The following ADCY9 variants were observed in gnomAD, a reference collection of about 807,000 sequenced individuals.
ADCY9 encodes adenylate cyclase type 9.
ADCY9 carries 50 observed loss-of-function variants against 101.5 expected under a neutral mutation model. That is an observed-to-expected ratio of 0.49 (90% CI 0.39 to 0.62). The LOEUF is 0.62. Ranked by LOEUF, ADCY9 falls within the 20% of genes least tolerant of loss-of-function variation. The probability of loss-of-function intolerance (pLI) is 0.00; values close to 1 mark genes in which losing one functional copy is unlikely to be tolerated. For missense variants in ADCY9, 1,662 were observed against 1,800.4 expected (o/e 0.92, Z 1.39); for synonymous variants, 905 against 769.3 (o/e 1.18, Z -2.92).
At chr16:4,090,077 G>A (rs140179259) in intron 2 of ADCY9, among the ~76,000 whole-genome samples, 2 of 152,200 alleles carry the variant, frequency 1.3e-5, no homozygotes, top group African/African-American at 4.8e-5. Context: ...GCCATTCCAA[G>A]CTCCCCCAAC....
At chr16:4,016,595 G>A (rs1452226646) in intron 2 of ADCY9, among the ~76,000 whole-genome samples, 1 of 151,620 alleles carries the variant, frequency 6.6e-6, no homozygotes, top group Non-Finnish European at 1.5e-5. Flanking sequence ...ATAGATTATA[G>A]AAAGAAGAGA....
intron 2 of ADCY9, among the ~76,000 whole-genome samples, chr16:4,014,511 G>A (rs1033428759): frequency 1.3e-4 from 19 of 150,242 alleles, no homozygotes; most frequent in Admixed American, 8.0e-4. Flanking sequence ...GTAGTGGCGC[G>A]ATCTCAGCTC....
rs2057142701 is a variant in ADCY9 at position 4,115,280 on chromosome 16, T to A, written c.163A>T (p.Ser55Cys). 1 of 1,613,718 alleles carries A rather than the reference T, an allele frequency of 6.2e-7. No individual in the cohort carries two copies. The highest frequency in any genetic ancestry group is 8.5e-7 in the Non-Finnish European group (1 of 1,179,876). Residue 55 changes from serine to cysteine, a missense_variant, in exon 2 of 11, where the codon AGC becomes TGC. Transcript: ENST00000294016. The surrounding 1 kb of genome is among the most constrained non-coding windows in gnomAD (Gnocchi z 6.2). ...HCKYSISSSC[S>C]SSGDSGGVPR... ...ACGCCCCCGGAGTCCCCAGAGCTGC[T>A]GCAGCTAGAGGAGATGCTGTATTTG...
At chr16:4,110,911 C>T (rs946130630) in intron 2 of ADCY9, among the ~76,000 whole-genome samples, 2 of 152,264 alleles carry the variant, frequency 1.3e-5, no homozygotes, top group African/African-American at 2.4e-5. Context: ...GTCCTCAATT[C>T]GGTCTGGCAT....
chr16:4,060,141 A>G (rs967502881), intron 2 of ADCY9, among the ~76,000 whole-genome samples: 3 of 152,196 alleles, frequency 2.0e-5, no homozygotes, highest in Admixed American at 6.5e-5. Context: ...CCTGTAAACA[A>G]CAGGAAATGT....
At position 3,979,262 on chromosome 16, in the gene ADCY9, G is replaced by A; in HGVS notation, c.2533C>T (p.Leu845=). ...TTGGTGCAGGCCATGACGTCCTCCA[G>A]GAAGAACACCATCCTGCGAGAGGCA... ...LAVSIRMVFF[L]EDVMACTKRL... Residue 845 remains leucine, a synonymous_variant, in exon 8 of 11, where the codon CTG becomes TTG. Coordinates refer to ENST00000294016, the MANE Select transcript of ADCY9 (RefSeq NM_001116.4). 2.5e-6 allele frequency: 4 copies of A among 1,613,870 alleles called. No individual in the cohort carries two copies. The highest frequency in any genetic ancestry group is 3.4e-6 in the Non-Finnish European group (4 of 1,179,938).
intron 2 of ADCY9, among the ~76,000 whole-genome samples, chr16:4,052,374 G>A (rs544378200): frequency 5.3e-5 from 8 of 152,196 alleles, no homozygotes; most frequent in Admixed American, 1.3e-4. Context: ...CCGGGACAGC[G>A]TCCTTGTTTT....
chr16:3,968,556 T>G (rs1426974337), intron 10 of ADCY9, among the ~76,000 whole-genome samples: 1 of 152,214 alleles, frequency 6.6e-6, no homozygotes, highest in Non-Finnish European at 1.5e-5. Context: ...GGGTTAGTTC[T>G]TTTTGCCGAA....
At chr16:4,000,367 G>T (rs961932277) in intron 3 of ADCY9, among the ~76,000 whole-genome samples, 3 of 152,170 alleles carry the variant, frequency 2.0e-5, no homozygotes, top group Admixed American at 6.5e-5. Context: ...TGGCCCCAAC[G>T]ATCTCCAGGT....
At chr16:4,052,597 G>T (rs1433129877) in intron 2 of ADCY9, among the ~76,000 whole-genome samples, 1 of 151,978 alleles carries the variant, frequency 6.6e-6, no homozygotes, top group South Asian at 2.1e-4. Flanking sequence ...AGAATATAAC[G>T]CCACCAAAAC....
intron 10 of ADCY9, among the ~76,000 whole-genome samples, chr16:3,971,312 A>G (rs1650669082): frequency 6.6e-6 from 1 of 152,040 alleles, no homozygotes. Flanking sequence ...CAACTCACAC[A>G]CCCTTCCCTT....
chr16:3,995,603 AT>A (rs34724133), intron 3 of ADCY9, among the ~76,000 whole-genome samples: 41,819 of 146,170 alleles, frequency 0.29, 6,056 homozygotes, highest in Admixed American at 0.39. Flanking sequence ...CAAGAAATAT[AT>A]TTTTTTTTTT....
At chr16:3,969,823 C>T (rs1488715560) in intron 10 of ADCY9, among the ~76,000 whole-genome samples, 1 of 150,968 alleles carries the variant, frequency 6.6e-6, no homozygotes, top group African/African-American at 2.4e-5. Flanking sequence ...ACTATGTTGC[C>T]CAGGCTGGTC....
chr16:4,041,919 G>GTTTT lies in ADCY9; in HGVS notation c.1694-34365_1694-34362dup, dbSNP rs750737772. 5.6e-4 allele frequency among the ~76,000 whole-genome samples: 56 copies of GTTTT among 100,622 alleles called. 1 individual carries two copies. The highest frequency in any genetic ancestry group is 7.8e-4 in the Admixed American group (6 of 7,678). 66.0% of individuals were successfully genotyped at this position (100,622 alleles called of 152,430 possible). A position where few individuals can be genotyped will look rare whatever the true frequency, so the allele number is the denominator to read the frequency against. On this transcript the variant is annotated intron_variant, in intron 2 of 10. Transcript: ENST00000294016. ...GGGATGTGCCACTGCCCCCAGCTAA[G>GTTTT]TTTTTTTTTTTTTTTTTTTTTTGAG...
At chr16:4,051,070 G>A (rs1161353689) in intron 2 of ADCY9, among the ~76,000 whole-genome samples, 1 of 152,004 alleles carries the variant, frequency 6.6e-6, no homozygotes, top group Non-Finnish European at 1.5e-5. Context: ...AAAATTAGCT[G>A]GGTGTGGTGG....
At chr16:4,090,650 C>T (rs145236329) in intron 2 of ADCY9, among the ~76,000 whole-genome samples, 176 of 152,016 alleles carry the variant, frequency 1.2e-3, no homozygotes, top group African/African-American at 3.9e-3. Flanking sequence ...AATTTTATCA[C>T]GCTGTATTTA....
At position 4,019,683 on chromosome 16, in the gene ADCY9, T is replaced by C. The variant is rs533240519; in HGVS notation, c.1694-12125A>G. On this transcript the variant is annotated intron_variant, in intron 2 of 10. Transcript: ENST00000294016. ...TCTGCACAGACCCTGGAAAAACCACTGTTGTCAAAGGAGAGATGGAAGTGG... is the reference window on the plus strand; with the variant it reads ...TCTGCACAGACCCTGGAAAAACCACCGTTGTCAAAGGAGAGATGGAAGTGG... Among the ~76,000 whole-genome samples the C allele has an allele frequency of 6.6e-5, 10 of 152,192 alleles. No homozygotes were observed. In the South Asian group the frequency reaches 2.1e-3, roughly 32 times the overall value.
At chr16:4,089,186 C>A (rs550855091) in intron 2 of ADCY9, among the ~76,000 whole-genome samples, 2 of 151,908 alleles carry the variant, frequency 1.3e-5, no homozygotes, top group South Asian at 4.1e-4. Flanking sequence ...GTGATCCTCC[C>A]GCCTCAGCCT....
intron 2 of ADCY9, among the ~76,000 whole-genome samples, chr16:4,011,978 G>A (rs868331286): frequency 1.3e-5 from 2 of 152,222 alleles, no homozygotes; most frequent in African/African-American, 2.4e-5. Context: ...TGTGATTATC[G>A]ACGCAGTGTT....
Sources: allele counts gnomAD v4.1 joint callset (sites outside exome capture counted in the v4.1 genomes callset), GRCh38; gene constraint gnomAD v4.1.1; non-coding constraint Gnocchi (gnomAD v3.1); transcripts MANE v1.5; gene names NCBI Gene and HGNC (gene_info 2026-07-23, HGNC 2026-07-21).